ADGRL2: variants seen among roughly 807,000 people sequenced by gnomAD.
The protein encoded by ADGRL2 is adhesion G protein-coupled receptor L2, also known as calcium-independent alpha-latrotoxin receptor 2.
In ADGRL2, 44 loss-of-function variants were observed where a neutral mutation model predicts 157.4. The observed-to-expected ratio is 0.28, with a 90% CI of 0.22 to 0.36. ADGRL2 has a LOEUF of 0.36. ADGRL2 is among the 10% of genes least tolerant of loss of function. The pLI is 1.00. For synonymous variants in ADGRL2, 585 were observed against 624.7 expected, an observed-to-expected ratio of 0.94 and a Z score of 0.95; for missense variants, 1,510 against 1,768.9, an observed-to-expected ratio of 0.85 and a Z score of 2.63.
chr1:81,493,442 TTAAC>T (rs1289163426), intron 2 of ADGRL2, among the ~76,000 whole-genome samples: 1 of 152,216 alleles, frequency 6.6e-6, no homozygotes, highest in Non-Finnish European at 1.5e-5. Flanking sequence ...TTTTATTTCA[TTAAC>T]TATTAAGATA....
At chr1:81,860,082 G>A (rs1169563714) in intron 2 of ADGRL2, among the ~76,000 whole-genome samples, 1 of 151,924 alleles carries the variant, frequency 6.6e-6, no homozygotes, top group African/African-American at 2.4e-5. Flanking sequence ...AAATTAGCTG[G>A]GCGTAATGGC....
At chr1:81,486,266 G>A (rs954032050) in intron 2 of ADGRL2, among the ~76,000 whole-genome samples, 4 of 152,016 alleles carry the variant, frequency 2.6e-5, no homozygotes, top group Admixed American at 6.6e-5. Context: ...TTACAAGACC[G>A]ATATTCCCAC....
chr1:81,829,598 A>G (rs1178526259), intron 1 of ADGRL2, among the ~76,000 whole-genome samples: 1 of 152,212 alleles, frequency 6.6e-6, no homozygotes, highest in Non-Finnish European at 1.5e-5. Context: ...TGTCAATATA[A>G]TAATCTATAA....
intron 3 of ADGRL2, among the ~76,000 whole-genome samples, chr1:81,631,137 G>A (rs1472186646): frequency 6.6e-6 from 1 of 151,948 alleles, no homozygotes; most frequent in African/African-American, 2.4e-5. Flanking sequence ...ATTTAATCAT[G>A]TCACTCACTG....
chr1:81,438,164 A>G (rs1262115561), intron 1 of ADGRL2, among the ~76,000 whole-genome samples: 1 of 152,172 alleles, frequency 6.6e-6, no homozygotes, highest in Non-Finnish European at 1.5e-5. Flanking sequence ...TCCCAAAACA[A>G]AACAGTATAA....
chr1:81,898,712 A>T (rs185983735), intron 2 of ADGRL2, among the ~76,000 whole-genome samples: 1 of 152,286 alleles, frequency 6.6e-6, no homozygotes, highest in African/African-American at 2.4e-5. Context: ...ACTATCAGTG[A>T]CAACTTATCT....
At chr1:81,360,791 T>G (rs2075963863) in intron 1 of ADGRL2, among the ~76,000 whole-genome samples, 1 of 151,894 alleles carries the variant, frequency 6.6e-6, no homozygotes, top group South Asian at 2.1e-4. Flanking sequence ...CACAGCTATT[T>G]GTCCAAAAAC....
intron 2 of ADGRL2, among the ~76,000 whole-genome samples, chr1:81,490,951 C>T (rs1325914352): frequency 6.6e-6 from 1 of 152,082 alleles, no homozygotes. Context: ...CACTATTGAC[C>T]TTGTGGGCCA....
chr1:81,787,676 A>G (rs2087122939), intron 2 of ADGRL2, among the ~76,000 whole-genome samples: 1 of 151,984 alleles, frequency 6.6e-6, no homozygotes, highest in Non-Finnish European at 1.5e-5. Flanking sequence ...GAAAAGTTTA[A>G]GATAAAACAT....
chr1:81,754,738 A>C (rs1034648137), intron 1 of ADGRL2, among the ~76,000 whole-genome samples: 4 of 136,504 alleles, frequency 2.9e-5, no homozygotes, highest in Non-Finnish European at 6.1e-5. Context: ...CTTTCTTTCA[A>C]TAACACAGTG....
At chr1:81,637,926 T>G (rs2082145688) in intron 3 of ADGRL2, among the ~76,000 whole-genome samples, 1 of 151,626 alleles carries the variant, frequency 6.6e-6, no homozygotes, top group African/African-American at 2.4e-5. Context: ...TTTTTTTTTG[T>G]CTAACTAACA....
upstream of ADGRL2, among the ~76,000 whole-genome samples, chr1:81,796,081 C>T (rs1377648550): frequency 6.6e-6 from 1 of 152,096 alleles, no homozygotes; most frequent in Non-Finnish European, 1.5e-5. Context: ...ACCTCTGACC[C>T]CCAGGTTCAA....
At chr1:81,452,429 C>G (rs891762098) in intron 2 of ADGRL2, among the ~76,000 whole-genome samples, 1 of 152,032 alleles carries the variant, frequency 6.6e-6, no homozygotes, top group African/African-American at 2.4e-5. Context: ...ATCTCAATGC[C>G]CCTGATACAA....
intron 2 of ADGRL2, among the ~76,000 whole-genome samples, chr1:81,787,544 A>G (rs1384319066): frequency 6.6e-6 from 1 of 152,046 alleles, no homozygotes; most frequent in Non-Finnish European, 1.5e-5. Flanking sequence ...AATCCCAGCT[A>G]CTCGGGAAGC....
chr1:81,363,514 A>C (rs1421888079), intron 1 of ADGRL2, among the ~76,000 whole-genome samples: 5 of 152,286 alleles, frequency 3.3e-5, no homozygotes, highest in African/African-American at 1.2e-4. Context: ...ACATAGGAGT[A>C]GTCACCAGAG....
chr1:81,959,063 CTTTTTGGCTGCCA>C (rs1013794901), intron 11 of ADGRL2, among the ~76,000 whole-genome samples: 3 of 152,064 alleles, frequency 2.0e-5, no homozygotes, highest in African/African-American at 7.2e-5. Context: ...TTTTTTTCCA[CTTTTTGGCTGCCA>C]TTTTTGGCTG....
chr1:81,391,314 A>C (rs1375597992), intron 1 of ADGRL2, among the ~76,000 whole-genome samples: 3 of 152,298 alleles, frequency 2.0e-5, no homozygotes, highest in Non-Finnish European at 2.9e-5. Context: ...TTGCAACACC[A>C]CTGCAGCAAG....
chr1:81,896,836 C>G (rs1005994089), intron 2 of ADGRL2, among the ~76,000 whole-genome samples: 13 of 152,228 alleles, frequency 8.5e-5, no homozygotes, highest in Admixed American at 3.3e-4. Context: ...GATAGAGGAG[C>G]TCATAATTGT....
chr1:81,791,429 T>C (rs2087340347), intron 2 of ADGRL2, among the ~76,000 whole-genome samples: 1 of 152,164 alleles, frequency 6.6e-6, no homozygotes, highest in Non-Finnish European at 1.5e-5. Flanking sequence ...GCTCAAAGTT[T>C]ACTGCATGCC....
Sources: allele counts gnomAD v4.1 joint callset (sites outside exome capture counted in the v4.1 genomes callset), GRCh38; gene constraint gnomAD v4.1.1; transcripts MANE v1.5; gene names NCBI Gene and HGNC (gene_info 2026-07-23, HGNC 2026-07-21).